POFUT3: variants seen among roughly 807,000 people sequenced by gnomAD.
The protein encoded by POFUT3 is GDP-fucose protein O-fucosyltransferase 3.
the POFUT3 span, among the ~76,000 whole-genome samples, chr8:33,396,192 T>C: frequency 6.6e-6 from 1 of 152,082 alleles, no homozygotes; most frequent in Non-Finnish European, 1.5e-5. Flanking sequence ...CCACTGGCCC[T>C]CACTCTGGGC....
At chr8:33,455,346 C>A in the POFUT3 span, among the ~76,000 whole-genome samples, 1 of 152,054 alleles carries the variant, frequency 6.6e-6, no homozygotes. Flanking sequence ...AGAAGTGCTG[C>A]CTTTTCATCA....
At chr8:33,419,864 C>T in the POFUT3 span, among the ~76,000 whole-genome samples, 1 of 152,128 alleles carries the variant, frequency 6.6e-6, no homozygotes, top group East Asian at 1.9e-4. Flanking sequence ...CATGGTGGCT[C>T]AGCCTGTAAT....
At chr8:33,471,829 G>C in the POFUT3 span, among the ~76,000 whole-genome samples, 116 of 152,212 alleles carry the variant, frequency 7.6e-4, no homozygotes, top group Non-Finnish European at 1.3e-3. Flanking sequence ...AGCAGGAAGC[G>C]AGCAAGAGTT....
chr8:33,438,728 G>T, the POFUT3 span, among the ~76,000 whole-genome samples: 55 of 152,200 alleles, frequency 3.6e-4, no homozygotes, highest in African/African-American at 1.3e-3. Context: ...AAGGCGAAAG[G>T]CATGTCTTAT....
At chr8:33,363,272 G>A in the POFUT3 span, among the ~76,000 whole-genome samples, 1 of 152,186 alleles carries the variant, frequency 6.6e-6, no homozygotes, top group African/African-American at 2.4e-5. Flanking sequence ...TTAAAGCAGT[G>A]TGTAGAGGGA....
At chr8:33,462,667 T>C in the POFUT3 span, among the ~76,000 whole-genome samples, 19 of 152,174 alleles carry the variant, frequency 1.2e-4, no homozygotes, top group Admixed American at 2.6e-4. Context: ...CAGTGGCTCA[T>C]ACCTTTAATC....
At chr8:33,326,375 T>C in the POFUT3 span, among the ~76,000 whole-genome samples, 1 of 152,190 alleles carries the variant, frequency 6.6e-6, no homozygotes, top group Non-Finnish European at 1.5e-5. Flanking sequence ...ACTCTACGTC[T>C]ATCTGAGTAT....
the POFUT3 span, among the ~76,000 whole-genome samples, chr8:33,417,306 G>T: frequency 1.3e-5 from 2 of 152,306 alleles, no homozygotes; most frequent in Non-Finnish European, 2.9e-5. Flanking sequence ...ATGGTGAGTT[G>T]TATCATTATT....
the POFUT3 span, among the ~76,000 whole-genome samples, chr8:33,308,361 C>T: frequency 6.6e-6 from 1 of 152,162 alleles, no homozygotes; most frequent in Non-Finnish European, 1.5e-5. Flanking sequence ...GACCTGAGTT[C>T]CAGTCCTATT....
the POFUT3 span, among the ~76,000 whole-genome samples, chr8:33,380,165 ATATATATATAC>A: frequency 4.2e-5 from 2 of 47,552 alleles, no homozygotes; most frequent in Admixed American, 2.7e-4. Context: ...TATATATACT[ATATATATATAC>A]TATATATATA....
the POFUT3 span, among the ~76,000 whole-genome samples, chr8:33,460,462 T>C: frequency 6.6e-6 from 1 of 152,244 alleles, no homozygotes; most frequent in Admixed American, 6.5e-5. Flanking sequence ...CATTCATCCA[T>C]ACACAGTCCT....
chr8:33,451,891 T>C, the POFUT3 span: 2 of 152,018 alleles, frequency 1.3e-5, no homozygotes, highest in African/African-American at 2.4e-5. Flanking sequence ...TATAAAACCA[T>C]CAGATCTCAT....
the POFUT3 span, chr8:33,394,259 G>C: frequency 5.2e-6 from 1 of 191,132 alleles, no homozygotes. Flanking sequence ...TTGGGACCTG[G>C]CATGAGGTAA....
chr8:33,427,107 G>T, the POFUT3 span, among the ~76,000 whole-genome samples: 5 of 152,258 alleles, frequency 3.3e-5, no homozygotes, highest in East Asian at 9.7e-4. Context: ...CCAGGCTTTG[G>T]CCCAGGTGCT....
the POFUT3 span, among the ~76,000 whole-genome samples, chr8:33,324,257 C>A: frequency 6.6e-6 from 1 of 152,152 alleles, no homozygotes; most frequent in African/African-American, 2.4e-5. Flanking sequence ...GGAAATGTCA[C>A]CTAACTGGGT....
the POFUT3 span, among the ~76,000 whole-genome samples, chr8:33,374,731 TTAAAAG>T: frequency 1.3e-5 from 2 of 152,102 alleles, no homozygotes; most frequent in Non-Finnish European, 2.9e-5. Flanking sequence ...GTAAAAAAAA[TTAAAAG>T]TGTTTTTAGT....
chr8:33,436,903 TC>T, the POFUT3 span, among the ~76,000 whole-genome samples: 1 of 152,090 alleles, frequency 6.6e-6, no homozygotes, highest in African/African-American at 2.4e-5. Context: ...TTCAACCTTT[TC>T]CCCCCTCCCT....
the POFUT3 span, among the ~76,000 whole-genome samples, chr8:33,437,396 A>G: frequency 5.3e-5 from 8 of 152,158 alleles, no homozygotes; most frequent in Admixed American, 5.2e-4. Context: ...AATTAAAAAA[A>G]AAAAAAAAGC....
At chr8:33,362,929 C>T in the POFUT3 span, among the ~76,000 whole-genome samples, 1 of 152,204 alleles carries the variant, frequency 6.6e-6, no homozygotes, top group Non-Finnish European at 1.5e-5. Flanking sequence ...ACCTAATAGA[C>T]ATCAACAGAA....
Sources: gnomAD v4.1 joint callset for allele counts (sites outside exome capture counted in the v4.1 genomes callset) on GRCh38, gnomAD v4.1.1 for gene constraint, MANE v1.5 for transcripts, NCBI Gene and HGNC (gene_info 2026-07-23, HGNC 2026-07-21) for gene names.